The following ST6GAL2 variants were observed in gnomAD, a reference collection of about 807,000 sequenced individuals.
The protein encoded by ST6GAL2 is beta-galactoside alpha-2,6-sialyltransferase 2.
ST6GAL2 carries 24 observed loss-of-function variants against 37.5 expected under a neutral mutation model. The observed-to-expected ratio is 0.64, with a 90% confidence interval of 0.46 to 0.90. The LOEUF (loss-of-function observed/expected upper bound fraction) is 0.90. Among genes scored for constraint, ST6GAL2 ranks in the 40% least tolerant of loss-of-function variants. ST6GAL2 has a pLI of 0.00. For missense variants in ST6GAL2, 715 were observed against 712.7 expected (o/e 1.00, Z -0.04); for synonymous variants, 306 against 295.1 (o/e 1.04, Z -0.38).
Position 106,802,675 on chromosome 2 carries a change from G to C in ST6GAL2, c.*4003C>G, listed in dbSNP as rs1221080534. On this transcript the variant is annotated 3_prime_UTR_variant, in exon 6 of 6. Coordinates refer to ENST00000409382, the MANE Select transcript of ST6GAL2 (RefSeq NM_001142351.2). ...TTTCCAGATGGAGTTGCCTTGATCAGTCATGTAACCACTGGGTAAGAGTTC... is the reference window on the plus strand; with the variant it reads ...TTTCCAGATGGAGTTGCCTTGATCACTCATGTAACCACTGGGTAAGAGTTC... 1 of 152,176 alleles carries C rather than the reference G, an allele frequency of 6.6e-6. No individual in the cohort carries two copies. The highest frequency in any genetic ancestry group is 2.4e-5 in the African/African-American group (1 of 41,444). 9.4% of individuals were successfully genotyped at this position (152,176 alleles called of 1,614,324 possible).
intron 1 of ST6GAL2, among the ~76,000 whole-genome samples, chr2:106,883,241 T>C (rs1449633206): frequency 6.6e-6 from 1 of 152,182 alleles, no homozygotes; most frequent in African/African-American, 2.4e-5. Flanking sequence ...CAAGGGTAAA[T>C]TTCAAATTTT....
chr2:106,856,075 G>C (rs1677562440), intron 1 of ST6GAL2, among the ~76,000 whole-genome samples: 1 of 152,196 alleles, frequency 6.6e-6, no homozygotes. Flanking sequence ...TGCATCTTCT[G>C]TAAAATGAAG....
At chr2:106,841,327 C>T (rs145366927) in intron 2 of ST6GAL2, 2 of 152,318 alleles carry the variant, frequency 1.3e-5, no homozygotes, top group African/African-American at 4.8e-5. Context: ...ACAAAGATTA[C>T]TTATTTGCAA....
At chr2:106,884,124 G>C (rs1338021708) in intron 1 of ST6GAL2, among the ~76,000 whole-genome samples, 1 of 152,072 alleles carries the variant, frequency 6.6e-6, no homozygotes, top group Non-Finnish European at 1.5e-5. Flanking sequence ...GAAACTCGGG[G>C]GTGGGGGGGT....
chr2:106,817,793 G>A (rs528645226), intron 5 of ST6GAL2, among the ~76,000 whole-genome samples: 56 of 152,324 alleles, frequency 3.7e-4, no homozygotes, highest in African/African-American at 1.3e-3. Flanking sequence ...CCAGGCGTTG[G>A]CTCTCACACA....
intron 1 of ST6GAL2, among the ~76,000 whole-genome samples, chr2:106,857,083 C>T (rs1677603292): frequency 6.6e-6 from 1 of 152,080 alleles, no homozygotes; most frequent in Non-Finnish European, 1.5e-5. Flanking sequence ...CTTTGCAAGG[C>T]TTTGTAAAGG....
intron 2 of ST6GAL2, among the ~76,000 whole-genome samples, chr2:106,842,409 T>A (rs1676923760): frequency 6.6e-6 from 1 of 152,222 alleles, no homozygotes; most frequent in East Asian, 1.9e-4. Flanking sequence ...GCACTGGCAG[T>A]GCCCCAAAGG....
At chr2:106,828,018 A>G (rs1187418030) in intron 5 of ST6GAL2, among the ~76,000 whole-genome samples, 1 of 152,210 alleles carries the variant, frequency 6.6e-6, no homozygotes, top group East Asian at 1.9e-4. Context: ...AAGAAGGCTT[A>G]AAGATAATCT....
At chr2:106,818,666 T>C (rs773662883) in intron 5 of ST6GAL2, among the ~76,000 whole-genome samples, 16 of 152,082 alleles carry the variant, frequency 1.1e-4, no homozygotes, top group Middle Eastern at 3.4e-3. Context: ...TACCTAACAC[T>C]TGAATGCCCA....
chr2:106,886,900 G>A (rs1034812), upstream of ST6GAL2: 21,371 of 152,308 alleles, frequency 0.14, 1,664 homozygotes, highest in Middle Eastern at 0.21. Context: ...GCGGTGCGGG[G>A]CAGCACGGCT....
At chr2:106,887,165 A>G (rs1203852945), upstream of ST6GAL2, 1 of 152,386 alleles carries the variant, frequency 6.6e-6, no homozygotes, top group African/African-American at 2.4e-5. Flanking sequence ...AGGCCGGGCT[A>G]CCTGCGCGCC....
intron 5 of ST6GAL2, among the ~76,000 whole-genome samples, chr2:106,814,546 T>C (rs545748576): frequency 2.0e-5 from 3 of 150,688 alleles, no homozygotes; most frequent in Admixed American, 2.0e-4. Context: ...TAAAAAGAAT[T>C]GGCAATTGTA....
At chr2:106,838,069 C>T (rs529219402) in intron 2 of ST6GAL2, among the ~76,000 whole-genome samples, 5 of 152,150 alleles carry the variant, frequency 3.3e-5, no homozygotes, top group African/African-American at 7.2e-5. Flanking sequence ...GTTCTGTAAA[C>T]GTACACCTGG....
intron 1 of ST6GAL2, among the ~76,000 whole-genome samples, chr2:106,855,664 T>C (rs1408656041): frequency 6.6e-6 from 1 of 152,208 alleles, no homozygotes; most frequent in Admixed American, 6.5e-5. Context: ...TAAACTCTTA[T>C]TATATTAGTT....
chr2:106,847,807 T>C (rs942829375), intron 1 of ST6GAL2, among the ~76,000 whole-genome samples: 2 of 152,088 alleles, frequency 1.3e-5, no homozygotes, highest in African/African-American at 4.8e-5. Flanking sequence ...AGTTCCACCC[T>C]CTTTCCCTGT....
At chr2:106,873,145 G>A (rs953371061) in intron 1 of ST6GAL2, among the ~76,000 whole-genome samples, 4 of 152,124 alleles carry the variant, frequency 2.6e-5, no homozygotes, top group Non-Finnish European at 4.4e-5. Flanking sequence ...ATCTCTCTCC[G>A]TAGATGTCCC....
At position 106,806,060 on chromosome 2, in the gene ST6GAL2, C is replaced by T. The variant is rs1046811945; in HGVS notation, c.*618G>A. The stretch of plus-strand genomic sequence containing the variant: ...AGATGGATGTTTTCTGGTTTTAGAA[C>T]TCTGTCTTGATGCACAGAAAGCAAA... On this transcript the variant is annotated 3_prime_UTR_variant, in exon 6 of 6. Transcript: ENST00000409382. The T allele has an allele frequency of 3.3e-5, 5 of 152,402 alleles. No individual in the cohort carries two copies. Among genetic ancestry groups the T allele is most frequent in the African/African-American group, 1.2e-4 (5 of 41,430 alleles). The allele number at this position is 152,402 out of a possible 1,614,324, so 9.4% of individuals were successfully genotyped here.
intron 1 of ST6GAL2, among the ~76,000 whole-genome samples, chr2:106,860,190 A>G (rs1419441009): frequency 1.3e-5 from 2 of 151,922 alleles, no homozygotes; most frequent in Non-Finnish European, 2.9e-5. Context: ...CTTTGTTTGG[A>G]TTTTTGGTAC....
chr2:106,837,259 A>G (rs541283790), intron 2 of ST6GAL2, among the ~76,000 whole-genome samples: 15 of 152,258 alleles, frequency 9.9e-5, no homozygotes, highest in South Asian at 2.1e-4. Context: ...ACTGGCACAC[A>G]TAAGTGCTTT....
Sources: gnomAD v4.1 joint callset for allele counts (sites outside exome capture counted in the v4.1 genomes callset) on GRCh38, gnomAD v4.1.1 for gene constraint, MANE v1.5 for transcripts, NCBI Gene and HGNC (gene_info 2026-07-23, HGNC 2026-07-21) for gene names.